Variants in ASXL3 observed in about 807,000 individuals in gnomAD.
ASXL3 encodes the protein putative Polycomb group protein ASXL3.
ASXL3 carries 34 observed loss-of-function variants against 170.6 expected under a neutral mutation model. The observed-to-expected ratio is 0.20, with a 90% CI of 0.15 to 0.27. The LOEUF is 0.27. ASXL3 is among the 10% of genes least tolerant of loss of function. ASXL3 has a pLI of 1.00. For synonymous variants in ASXL3, 1,002 were observed against 989.1 expected (o/e 1.01, Z -0.24); for missense variants, 2,592 against 2,695.3 (o/e 0.96, Z 0.85).
intron 2 of ASXL3, among the ~76,000 whole-genome samples, chr18:33,643,844 A>G (rs2145197031): frequency 6.6e-6 from 1 of 151,998 alleles, no homozygotes; most frequent in African/African-American, 2.4e-5. Flanking sequence ...TCAGAATGTG[A>G]ATTAAATACC....
In ASXL3 at chr18:33,721,477, A is replaced by T. The variant is rs141660294; in HGVS notation, c.880-10491A>T. On this transcript the variant is annotated intron_variant, in intron 8 of 11. Coordinates refer to ENST00000269197, the MANE Select transcript of ASXL3 (RefSeq NM_030632.3). ...TGTATATTAAAGTACATGTGTATAT[A>T]TGTTTAGATGGATATAGAGATGTAC... is the stretch of plus-strand genomic sequence containing the variant. Among the ~76,000 whole-genome samples the T allele has an allele frequency of 2.6e-5, 4 of 152,222 alleles. No individual in the cohort carries two copies. In the South Asian group the frequency reaches 8.3e-4, roughly 32 times the overall value.
chr18:33,686,562 G>A (rs532433735), intron 8 of ASXL3, among the ~76,000 whole-genome samples: 3 of 152,274 alleles, frequency 2.0e-5, no homozygotes, highest in African/African-American at 7.2e-5. Flanking sequence ...CCAAAGAAAA[G>A]TGAATTTTAC....
In ASXL3 at chr18:33,731,968, A is replaced by G. The variant is rs2067456644; in HGVS notation, c.880A>G (p.Met294Val). The G allele has an allele frequency of 6.2e-7, 1 of 1,609,412 alleles. No individual in the cohort carries two copies. The highest frequency in any genetic ancestry group is 2.2e-5 in the East Asian group (1 of 44,814). ...LLLLPEVDRQ[M>V]GSDGILRLST... ...TGTTTTTGTCGGCTTATTTTCCTAG[A>G]TGGGAAGTGATGGAATTTTACGCCT... Residue 294 changes from methionine to valine, a missense_variant and splice_region_variant, in exon 9 of 12, where the codon ATG becomes GTG. By Grantham distance (21) the Met-to-Val change is conservative. This residue lies in a region of ASXL3 where 73 missense variants were observed against 142.7 expected (regional missense o/e 0.51). Coordinates refer to ENST00000269197, the MANE Select transcript of ASXL3 (RefSeq NM_030632.3).
rs541381366 is a variant in ASXL3, at chr18:33,726,679, G to A, written c.880-5289G>A. 3.3e-5 allele frequency among the ~76,000 whole-genome samples: 5 copies of A among 152,126 alleles called. No homozygotes were observed. In the South Asian group the frequency reaches 1.0e-3, roughly 32 times the overall value. On this transcript the variant is annotated intron_variant, in intron 8 of 11. Transcript: ENST00000269197. ...GTAGAAAAATTGAAATCACATATGT[G>A]ACTCACCTTTATACTATTAGACAGC...
At chr18:33,672,384 C>T (rs2066357813) in intron 7 of ASXL3, among the ~76,000 whole-genome samples, 1 of 152,172 alleles carries the variant, frequency 6.6e-6, no homozygotes, top group Non-Finnish European at 1.5e-5. Flanking sequence ...GTTGGAGACA[C>T]AGGCCACGGG....
intron 2 of ASXL3, among the ~76,000 whole-genome samples, chr18:33,632,361 A>G (rs1683917118): frequency 6.6e-6 from 1 of 152,106 alleles, no homozygotes; most frequent in Admixed American, 6.6e-5. Flanking sequence ...CATGACAATC[A>G]CTTGTCACCA....
intron 8 of ASXL3, among the ~76,000 whole-genome samples, chr18:33,715,139 C>T (rs367694287): frequency 1.4e-4 from 22 of 152,278 alleles, no homozygotes; most frequent in Admixed American, 4.6e-4. Flanking sequence ...TTTATTCTTG[C>T]TTCTCAAAGT....
chr18:33,688,017 A>T (rs1392460182), intron 8 of ASXL3, among the ~76,000 whole-genome samples: 1 of 152,236 alleles, frequency 6.6e-6, no homozygotes, highest in African/African-American at 2.4e-5. Flanking sequence ...CCCTTTGTGT[A>T]GGATGGCTAC....
rs1568364314 is a variant in ASXL3 at position 33,743,204 on chromosome 18, A to G, written c.3356A>G (p.His1119Arg). Residue 1119 changes from histidine (H) to arginine (R), a missense_variant, in exon 12 of 12, where the codon CAT becomes CGT. His to Arg is a conservative substitution (Grantham distance 29). This residue lies in a region of ASXL3 where 2,246 missense variants were observed against 2,219.6 expected (regional missense o/e 1.01). Transcript: ENST00000269197. ...TTTGCAAAGCATCAAGCTCGAGCCC[A>G]TCTCTTCCAGACCTCTAAAGAGACC... Reference protein sequence around the residue: ...KLFAKHQARAHLFQTSKETRL... With the variant: ...KLFAKHQARARLFQTSKETRL... 3 of 1,613,970 alleles carry G rather than the reference A, an allele frequency of 1.9e-6. No individual in the cohort carries two copies. The highest frequency in any genetic ancestry group is 1.7e-6 in the Non-Finnish European group (2 of 1,179,864).
At position 33,578,772 on chromosome 18, in the gene ASXL3, C is replaced by T. The variant is rs1207195206; in HGVS notation, c.54+87C>T. On this transcript the variant is annotated intron_variant, in intron 1 of 11. Transcript: ENST00000269197. ...CGGTCCGCGGCGGCGGAGACGGCCA[C>T]TTCCAGCCCGAGCCGCCGCCCGCTC... 9 of 871,234 alleles carry T rather than the reference C, an allele frequency of 1.0e-5. No individual in the cohort carries two copies. The East Asian group carries it at 6.0e-4, about 59-fold the overall frequency. The allele number at this position is 871,234 out of a possible 1,614,324, so 54.0% of individuals were successfully genotyped here.
intron 8 of ASXL3, among the ~76,000 whole-genome samples, chr18:33,706,726 T>C (rs974938434): frequency 2.0e-5 from 3 of 151,800 alleles, no homozygotes; most frequent in African/African-American, 4.8e-5. Context: ...ATTCAGAGTA[T>C]AAGTCCTTTG....
chr18:33,581,378 A>G (rs2064990680), intron 1 of ASXL3, among the ~76,000 whole-genome samples: 1 of 152,084 alleles, frequency 6.6e-6, no homozygotes, highest in South Asian at 2.1e-4. Flanking sequence ...GGTTTTTGCA[A>G]TAAATGAACT....
intron 1 of ASXL3, among the ~76,000 whole-genome samples, chr18:33,582,084 T>A (rs1222877520): frequency 6.6e-6 from 1 of 152,216 alleles, no homozygotes; most frequent in Non-Finnish European, 1.5e-5. Context: ...CATTTTCATC[T>A]GTTTTATCTG....
intron 8 of ASXL3, among the ~76,000 whole-genome samples, chr18:33,705,363 TG>T (rs200136244): frequency 6.6e-6 from 1 of 151,134 alleles, no homozygotes; most frequent in Non-Finnish European, 1.5e-5. Flanking sequence ...ATGTGTTTTT[TG>T]TTTTTTTTTT....
chr18:33,646,067 T>A (rs2065909025), intron 3 of ASXL3, among the ~76,000 whole-genome samples, 178 bp from the exon 4 acceptor site: 1 of 151,812 alleles, frequency 6.6e-6, no homozygotes, highest in African/African-American at 2.4e-5. Flanking sequence ...ACAGTAGCAA[T>A]GGGCTTTACC....
chr18:33,746,437 G>T lies in ASXL3; in HGVS notation c.6589G>T (p.Val2197Phe). 1 of 1,614,012 alleles carries T rather than the reference G, an allele frequency of 6.2e-7. No homozygotes were observed. The highest frequency in any genetic ancestry group is 2.2e-5 in the East Asian group (1 of 44,878). Reference protein sequence around the residue: ...GLSGQNAQMPVQNFADSSNAD... With the variant: ...GLSGQNAQMPFQNFADSSNAD... Reference sequence around the variant, plus strand: ...GTCTGGTCAGAACGCTCAGATGCCCGTTCAGAACTTTGCCGACAGCAGCAA... The same window carrying T: ...GTCTGGTCAGAACGCTCAGATGCCCTTTCAGAACTTTGCCGACAGCAGCAA... The change falls in exon 12 of 12, where the codon GTT (valine) becomes TTT (phenylalanine). Residue 2197 changes from valine to phenylalanine, a missense_variant. By Grantham distance (50) the Val-to-Phe change is conservative. Coordinates refer to ENST00000269197, the MANE Select transcript of ASXL3 (RefSeq NM_030632.3).
Position 33,743,719 on chromosome 18 carries a change from C to G in ASXL3, c.3871C>G (p.Pro1291Ala). ...MLKTIQGTDTPCIAIIPKCIE... is the reference protein window; with the variant it reads ...MLKTIQGTDTACIAIIPKCIE... ...AAAAACCATCCAGGGAACTGACACT[C>G]CATGCATAGCCATTATACCAAAATG... The change falls in exon 12 of 12, where the codon CCA (proline) becomes GCA (alanine). Residue 1291 changes from proline to alanine, a missense_variant. Pro to Ala is a conservative substitution (Grantham distance 27). Transcript: ENST00000269197. 1 of 1,613,870 alleles carries G rather than the reference C, an allele frequency of 6.2e-7. No homozygotes were observed. Among genetic ancestry groups the G allele is most frequent in the African/African-American group, 1.3e-5 (1 of 75,060 alleles).
At chr18:33,742,525 A>G (rs1453506353) in intron 11 of ASXL3, among the ~76,000 whole-genome samples, 5 of 152,194 alleles carry the variant, frequency 3.3e-5, no homozygotes, top group Non-Finnish European at 5.9e-5. Context: ...TTATGCCACT[A>G]AAAAAGATAT....
chr18:33,734,149 A>C (rs2067505586), intron 9 of ASXL3, among the ~76,000 whole-genome samples, 161 bp from the exon 10 acceptor site: 1 of 70,376 alleles, frequency 1.4e-5, no homozygotes, highest in South Asian at 4.2e-4. Flanking sequence ...GAACATCTTG[A>C]GTGATGTTCA....
Sources: gnomAD v4.1 joint callset for allele counts (sites outside exome capture counted in the v4.1 genomes callset) on GRCh38, gnomAD v4.1.1 for gene constraint, gnomAD v4.1.1 regional missense constraint, MANE v1.5 for transcripts, NCBI Gene and HGNC (gene_info 2026-07-23, HGNC 2026-07-21) for gene names.